The following NCKAP1 variants were observed in gnomAD, a reference collection of about 807,000 sequenced individuals.
NCKAP1 encodes the protein nck-associated protein 1.
Under a neutral mutation model 151.2 loss-of-function variants are expected in NCKAP1, and 21 were observed. That is an observed-to-expected ratio of 0.14 (90% CI 0.10 to 0.20). The LOEUF (loss-of-function observed/expected upper bound fraction) is 0.20, where lower values mean the gene tolerates loss of function less well. Ranked by LOEUF, NCKAP1 falls within the 10% of genes least tolerant of loss-of-function variation. The pLI is 1.00. For synonymous variants in NCKAP1, 484 were observed against 451.8 expected (o/e 1.07, Z -0.90); for missense variants, 933 against 1,352.1 (o/e 0.69, Z 4.86).
At chr2:182,942,953 T>C (rs1203621740) in intron 23 of NCKAP1, among the ~76,000 whole-genome samples, 2 of 152,198 alleles carry the variant, frequency 1.3e-5, no homozygotes, top group African/African-American at 2.4e-5. Context: ...TTCTGCTCTT[T>C]GTTGCAGTTA....
intron 6 of NCKAP1, among the ~76,000 whole-genome samples, chr2:182,998,065 T>A (rs961281815): frequency 2.0e-5 from 3 of 152,116 alleles, no homozygotes; most frequent in African/African-American, 2.4e-5. Context: ...TAAACAAAAA[T>A]TTTTAAAACA....
chr2:183,007,400 A>T (rs1225651318), intron 2 of NCKAP1, among the ~76,000 whole-genome samples: 4 of 152,212 alleles, frequency 2.6e-5, no homozygotes, highest in African/African-American at 7.2e-5. Flanking sequence ...TGTTCAATTA[A>T]GAAGCATTTT....
At chr2:182,998,503 T>C (rs1698314486) in intron 6 of NCKAP1, among the ~76,000 whole-genome samples, 1 of 152,074 alleles carries the variant, frequency 6.6e-6, no homozygotes, top group Admixed American at 6.6e-5. Flanking sequence ...GCAGTATTTC[T>C]ATACACTAAT....
chr2:182,998,857 A>G (rs1303066690), intron 6 of NCKAP1, among the ~76,000 whole-genome samples: 18 of 101,564 alleles, frequency 1.8e-4, no homozygotes, highest in African/African-American at 2.3e-4. Flanking sequence ...AAAAAAAAAA[A>G]GGGGGGAAGG....
chr2:182,942,045 A>G (rs941782205), intron 24 of NCKAP1, 25 bp downstream of exon 24: 4 of 1,565,262 alleles, frequency 2.6e-6, no homozygotes, highest in Non-Finnish European at 3.5e-6. Flanking sequence ...TCTTATGTTT[A>G]TAAAAAGTAT....
Position 182,921,398 on chromosome 2 carries a change from G to A in NCKAP1, c.*4304C>T, listed in dbSNP as rs1400833490. 3 of 152,126 alleles carry A rather than the reference G, an allele frequency of 2.0e-5. No individual in the cohort carries two copies. Among genetic ancestry groups the A allele is most frequent in the African/African-American group, 4.8e-5 (2 of 41,428 alleles). The allele number at this position is 152,126 out of a possible 1,614,324, so 9.4% of individuals were successfully genotyped here. On this transcript the variant is annotated 3_prime_UTR_variant, in exon 31 of 31. Transcript: ENST00000361354. The stretch of plus-strand genomic sequence containing the variant: ...CATTTGGTCAGTATGTGTATGTAGT[G>A]TACTATGAATGTGACTCAGCCATAT...
intron 1 of NCKAP1, among the ~76,000 whole-genome samples, chr2:183,037,716 G>GC (rs1450958846): frequency 6.6e-6 from 1 of 152,090 alleles, no homozygotes; most frequent in Non-Finnish European, 1.5e-5. Context: ...TCCCAGCGGC[G>GC]CCCCCACCCC....
intron 8 of NCKAP1, among the ~76,000 whole-genome samples, chr2:182,993,158 C>A (rs1698201334): frequency 6.6e-6 from 1 of 152,176 alleles, no homozygotes; most frequent in African/African-American, 2.4e-5. Context: ...ATATAACCTA[C>A]ACACTTCCTC....
chr2:182,909,346 C>T lies in NCKAP1; in HGVS notation c.*16356G>A, dbSNP rs1427396060. ...CTGAAACTCTGTTCCCTTCATACAC[C>T]TTCTCTTCATTTCCCTCTCCTTGCC... On this transcript the variant is annotated 3_prime_UTR_variant, in exon 31 of 31. Coordinates refer to ENST00000361354, the MANE Select transcript of NCKAP1 (RefSeq NM_013436.5). The T allele has an allele frequency of 1.3e-5, 2 of 152,152 alleles. No individual in the cohort carries two copies. The highest frequency in any genetic ancestry group is 2.4e-5 in the African/African-American group (1 of 41,422). 9.4% of individuals were successfully genotyped at this position (152,152 alleles called of 1,614,324 possible).
At chr2:182,936,313 C>T (rs542519170) in intron 24 of NCKAP1, among the ~76,000 whole-genome samples, 2 of 152,134 alleles carry the variant, frequency 1.3e-5, no homozygotes, top group East Asian at 3.9e-4. Flanking sequence ...TGGTTCAATA[C>T]CTTCACATTT....
intron 6 of NCKAP1, among the ~76,000 whole-genome samples, chr2:182,997,341 T>G (rs1698289592): frequency 6.6e-6 from 1 of 152,194 alleles, no homozygotes; most frequent in East Asian, 1.9e-4. Flanking sequence ...AGTGCAAGGT[T>G]AGGTTATTAA....
At chr2:183,027,195 TTCTA>T (rs1370701460) in intron 1 of NCKAP1, among the ~76,000 whole-genome samples, 7 of 152,196 alleles carry the variant, frequency 4.6e-5, no homozygotes, top group Non-Finnish European at 8.8e-5. Context: ...GAGCAAGTCA[TTCTA>T]TCTGTGCCTC....
At chr2:182,990,653 G>T (rs763282443) in intron 8 of NCKAP1, among the ~76,000 whole-genome samples, 20 of 152,080 alleles carry the variant, frequency 1.3e-4, no homozygotes, top group Non-Finnish European at 2.1e-4. Flanking sequence ...AGGTTCTGTA[G>T]TGGGCCAGTT....
intron 15 of NCKAP1, among the ~76,000 whole-genome samples, chr2:182,968,166 T>C (rs1208876382): frequency 6.6e-6 from 1 of 152,160 alleles, no homozygotes; most frequent in Non-Finnish European, 1.5e-5. Context: ...GGGTTCTATG[T>C]GGTGGCCAGT....
At chr2:182,952,200 C>T (rs570980404) in intron 23 of NCKAP1, among the ~76,000 whole-genome samples, 8 of 152,270 alleles carry the variant, frequency 5.3e-5, no homozygotes, top group African/African-American at 1.2e-4. Flanking sequence ...CACCTATTTT[C>T]GCTTTCCATT....
intron 10 of NCKAP1, among the ~76,000 whole-genome samples, chr2:182,984,948 A>G (rs1698020080): frequency 6.6e-6 from 1 of 152,198 alleles, no homozygotes; most frequent in Non-Finnish European, 1.5e-5. Flanking sequence ...GATCTTTATA[A>G]AAGATAGCTA....
chr2:182,951,248 T>C (rs551997490), intron 23 of NCKAP1, among the ~76,000 whole-genome samples: 1 of 152,172 alleles, frequency 6.6e-6, no homozygotes, highest in Admixed American at 6.5e-5. Context: ...ACTATTAAGT[T>C]TGTGGAAATT....
At chr2:182,978,238 A>G (rs1697865680) in intron 14 of NCKAP1, among the ~76,000 whole-genome samples, 1 of 152,210 alleles carries the variant, frequency 6.6e-6, no homozygotes, top group Non-Finnish European at 1.5e-5. Context: ...ATCCTTTATT[A>G]AAAGACTATA....
rs150527631 is a variant in NCKAP1 at position 182,981,544 on chromosome 2, C to G, written c.1209-168G>C. On this transcript the variant is annotated intron_variant, in intron 12 of 30. Coordinates refer to ENST00000361354, the MANE Select transcript of NCKAP1 (RefSeq NM_013436.5). ...TAAATCATTTCATGAATAAAGAAAT[C>G]ATGGAAAGCAAGAAAAAAAGAAGAA... 6.1e-3 allele frequency among the ~76,000 whole-genome samples: 920 copies of G among 151,798 alleles called. 2 individuals are homozygous for G. Among genetic ancestry groups the G allele is most frequent in the Non-Finnish European group, 0.011 (721 of 67,958 alleles).
Sources: allele counts gnomAD v4.1 joint callset (sites outside exome capture counted in the v4.1 genomes callset), GRCh38; gene constraint gnomAD v4.1.1; transcripts MANE v1.5; gene names NCBI Gene and HGNC (gene_info 2026-07-23, HGNC 2026-07-21).